CEP63: variants seen among roughly 807,000 people sequenced by gnomAD.
The protein encoded by CEP63 is centrosomal protein of 63 kDa.
Under a neutral mutation model 89.1 loss-of-function variants are expected in CEP63, and 84 were observed. The ratio of observed to expected loss-of-function variants is 0.94; its 90% CI spans 0.79 to 1.13. The LOEUF is 1.13. Among genes scored for constraint, CEP63 ranks in the 50% most tolerant of loss-of-function variants. The pLI is 0.00. For synonymous variants in CEP63, 267 were observed against 272.5 expected, an observed-to-expected ratio of 0.98 and a Z score of 0.20; for missense variants, 838 against 813.3, an observed-to-expected ratio of 1.03 and a Z score of -0.37.
At chr3:134,741,408 G>A in the CEP63 span, among the ~76,000 whole-genome samples, 1 of 152,116 alleles carries the variant, frequency 6.6e-6, no homozygotes, top group Non-Finnish European at 1.5e-5. Context: ...GAGTGAGGTA[G>A]CATCTCCTTT....
At chr3:134,517,959 G>C (rs917527301) in intron 3 of CEP63, among the ~76,000 whole-genome samples, 6 of 152,094 alleles carry the variant, frequency 3.9e-5, no homozygotes, top group Non-Finnish European at 7.4e-5. Context: ...GAAAGTAAAA[G>C]CCTGGAAGTG....
At chr3:134,747,609 C>G in the CEP63 span, among the ~76,000 whole-genome samples, 3 of 152,152 alleles carry the variant, frequency 2.0e-5, no homozygotes, top group Non-Finnish European at 4.4e-5. Flanking sequence ...CTTTAGTGCA[C>G]CTTGTCCTTT....
chr3:134,708,801 G>C, the CEP63 span, among the ~76,000 whole-genome samples: 1 of 152,092 alleles, frequency 6.6e-6, no homozygotes, highest in Non-Finnish European at 1.5e-5. Context: ...AGATGATTCA[G>C]GATGCGGTGG....
At chr3:134,613,373 C>T in the CEP63 span, among the ~76,000 whole-genome samples, 1 of 152,108 alleles carries the variant, frequency 6.6e-6, no homozygotes, top group Non-Finnish European at 1.5e-5. Context: ...AAAACCAAGT[C>T]AGGGAGCAGC....
the CEP63 span, chr3:134,620,977 C>T: frequency 1.3e-5 from 9 of 670,810 alleles, no homozygotes; most frequent in Admixed American, 4.6e-5. Context: ...GAGGAGAGGT[C>T]CTGAGGGGCA....
chr3:134,745,967 G>T, the CEP63 span, among the ~76,000 whole-genome samples: 2 of 150,112 alleles, frequency 1.3e-5, no homozygotes, highest in African/African-American at 4.9e-5. Flanking sequence ...TGCACAACAT[G>T]CAGTTTTGTT....
chr3:134,663,340 C>A, the CEP63 span, among the ~76,000 whole-genome samples: 1 of 152,148 alleles, frequency 6.6e-6, no homozygotes, highest in African/African-American at 2.4e-5. Context: ...GCTCAAGTAA[C>A]CAAGAGCTCT....
chr3:134,552,183 C>T (rs967900915), intron 12 of CEP63, 171 bp downstream of exon 12: 60 of 437,194 alleles, frequency 1.4e-4, no homozygotes. Flanking sequence ...ATATGACTCT[C>T]CACTCCAGCA....
the CEP63 span, among the ~76,000 whole-genome samples, chr3:134,628,255 C>T: frequency 1.3e-5 from 2 of 152,198 alleles, no homozygotes; most frequent in African/African-American, 4.8e-5. Context: ...AAGGTCAAAA[C>T]CTAGAAAGGT....
rs764633202 is a variant in CEP63 at position 134,495,279 on chromosome 3, A to AT, written c.-25-10dup. On this transcript the variant is annotated splice_polypyrimidine_tract_variant and intron_variant, in intron 1 of 14. Coordinates refer to ENST00000675561, the MANE Select transcript of CEP63 (RefSeq NM_001353108.3). ...AGAAATGAATTGTCTCATGACTGAT[A>AT]TTTTTTTCTTTGTCAGTTGCCAAAA... 2 of 1,582,700 alleles carry AT rather than the reference A, an allele frequency of 1.3e-6. No individual in the cohort carries two copies. The highest frequency in any genetic ancestry group is 8.7e-7 in the Non-Finnish European group (1 of 1,151,878).
At chr3:134,709,869 T>G in the CEP63 span, among the ~76,000 whole-genome samples, 2 of 152,182 alleles carry the variant, frequency 1.3e-5, no homozygotes, top group Admixed American at 6.5e-5. Flanking sequence ...TAGAATAGGA[T>G]GGTGATCCGT....
At chr3:134,767,127 A>G in the CEP63 span, among the ~76,000 whole-genome samples, 3 of 152,118 alleles carry the variant, frequency 2.0e-5, no homozygotes, top group African/African-American at 7.2e-5. Flanking sequence ...CTCTGGGCTG[A>G]GCTGTGAAGA....
chr3:134,763,045 G>A, the CEP63 span, among the ~76,000 whole-genome samples: 3 of 152,128 alleles, frequency 2.0e-5, no homozygotes, highest in Non-Finnish European at 2.9e-5. Flanking sequence ...AAATCAGAGG[G>A]CAGGAGTAGT....
Position 134,547,389 on chromosome 3 carries a change from C to T in CEP63, c.984C>T (p.Asp328=), listed in dbSNP as rs1347585809. The change falls in exon 9 of 15, where the codon GAC becomes GAT. Residue 328 remains aspartate (D), a synonymous_variant. Coordinates refer to ENST00000675561, the MANE Select transcript of CEP63 (RefSeq NM_001353108.3). ...EKKYTSQGQG[D]LDSVLSQLNF... Reference sequence around the variant, plus strand: ...AGTACACCTCTCAAGGGCAGGGGGACTTAGACAGTGTGCTCTCCCAGTTGA... The same window carrying T: ...AGTACACCTCTCAAGGGCAGGGGGATTTAGACAGTGTGCTCTCCCAGTTGA... The T allele has an allele frequency of 6.2e-7, 1 of 1,613,690 alleles. No individual in the cohort carries two copies.
the CEP63 span, among the ~76,000 whole-genome samples, chr3:134,764,793 T>C: frequency 4.5e-3 from 684 of 152,330 alleles, 7 homozygotes; most frequent in African/African-American, 0.015. Context: ...GTTTTATAAA[T>C]ATCCATTTGG....
At position 134,564,967 on chromosome 3, in the gene CEP63, T is replaced by G. The variant is rs1257222892; in HGVS notation, c.*3432T>G. On this transcript the variant is annotated 3_prime_UTR_variant, in exon 15 of 15. Transcript: ENST00000675561. ...ATTTGTCAGAACATTTGACTGTAATTTAATGTCTCACCATTTTTCAAAAAG... is the reference window on the plus strand; with the variant it reads ...ATTTGTCAGAACATTTGACTGTAATGTAATGTCTCACCATTTTTCAAAAAG... The G allele has an allele frequency of 1.1e-5, 11 of 977,782 alleles. No individual in the cohort carries two copies. The highest frequency in any genetic ancestry group is 3.5e-5 in the African/African-American group (2 of 57,066). 60.6% of individuals were successfully genotyped at this position (977,782 alleles called of 1,614,324 possible). A position where few individuals can be genotyped will look rare whatever the true frequency, so the allele number is the denominator to read the frequency against.
the CEP63 span, among the ~76,000 whole-genome samples, chr3:134,597,019 A>C: frequency 6.6e-6 from 1 of 152,184 alleles, no homozygotes; most frequent in Non-Finnish European, 1.5e-5. Context: ...TGGGAGGTAC[A>C]TGGACTGCCT....
chr3:134,664,509 G>C, the CEP63 span, among the ~76,000 whole-genome samples: 3 of 152,220 alleles, frequency 2.0e-5, no homozygotes, highest in African/African-American at 7.2e-5. Flanking sequence ...ACAGCCCTCT[G>C]TGCATGTACC....
chr3:134,633,171 A>G, the CEP63 span, among the ~76,000 whole-genome samples: 571 of 152,222 alleles, frequency 3.8e-3, 1 homozygote, highest in Non-Finnish European at 6.8e-3. Flanking sequence ...GTAAATTCTA[A>G]CAAACATTTA....
Sources: gnomAD v4.1 joint callset for allele counts (sites outside exome capture counted in the v4.1 genomes callset) on GRCh38, gnomAD v4.1.1 for gene constraint, MANE v1.5 for transcripts, NCBI Gene and HGNC (gene_info 2026-07-23, HGNC 2026-07-21) for gene names.